Variants in MIDEAS observed in about 807,000 individuals in gnomAD.
The protein encoded by MIDEAS is mitotic deacetylase associated SANT domain protein.
MIDEAS carries 26 observed loss-of-function variants against 102.7 expected under a neutral mutation model. The observed-to-expected ratio is 0.25, with a 90% CI of 0.19 to 0.35. The LOEUF (loss-of-function observed/expected upper bound fraction) is 0.35, where lower values mean the gene tolerates loss of function less well. Ranked by LOEUF, MIDEAS falls within the 10% of genes least tolerant of loss-of-function variation. The pLI, the probability that MIDEAS is intolerant of heterozygous loss-of-function variation, is 1.00. For synonymous variants in MIDEAS, 585 were observed against 591.0 expected, an observed-to-expected ratio of 0.99 and a Z score of 0.15; for missense variants, 1,231 against 1,435.6, an observed-to-expected ratio of 0.86 and a Z score of 2.30.
Position 73,739,884 on chromosome 14 carries a change from T to C in MIDEAS, c.125A>G (p.Lys42Arg), listed in dbSNP as rs528001813. 1.3e-6 allele frequency: 2 copies of C among 1,577,094 alleles called. No homozygotes were observed. Among genetic ancestry groups the C allele is most frequent in the South Asian group, 2.3e-5 (2 of 85,764 alleles). The change falls in exon 2 of 13, where the codon AAG (lysine) becomes AGG (arginine). Residue 42 changes from lysine to arginine, a missense_variant. Physicochemically the swap from Lys to Arg is conservative, Grantham distance 26. This residue lies in a region of MIDEAS where 758 missense variants were observed against 856.0 expected (regional missense o/e 0.89). Coordinates refer to ENST00000423556, the MANE Select transcript of MIDEAS (RefSeq NM_001367710.1). The stretch of plus-strand genomic sequence containing the variant: ...CTCGTGCCCGAGGTACTGCTCCTCC[T>C]TCACTCTGATGGACTGCTGGGGGGG... ...LQPPQQSIRV[K>R]EEQYLGHEGP...
chr14:73,757,284 A>AAAAAAAAAAAAAAAAAAAAC, intron 1 of MIDEAS, among the ~76,000 whole-genome samples: 1 of 149,770 alleles, frequency 6.7e-6, no homozygotes, highest in Non-Finnish European at 1.5e-5. Context: ...ACAACCAAAA[A>AAAAAAAAAAAAAAAAAAAAC]AAAAAAAAAA....
chr14:73,723,996 C>T (rs896437661), intron 9 of MIDEAS: 2 of 152,244 alleles, frequency 1.3e-5, no homozygotes, highest in African/African-American at 4.8e-5. Flanking sequence ...CTAAGTCTTC[C>T]TCCTGACTCT....
At chr14:73,770,718 G>A (rs2053634932) in intron 1 of MIDEAS, among the ~76,000 whole-genome samples, 1 of 152,176 alleles carries the variant, frequency 6.6e-6, no homozygotes, top group African/African-American at 2.4e-5. Flanking sequence ...CTTCTGAGGT[G>A]ACACCAGGGC....
intron 1 of MIDEAS, among the ~76,000 whole-genome samples, chr14:73,753,796 A>G (rs1210260820): frequency 2.0e-5 from 3 of 152,300 alleles, no homozygotes; most frequent in Non-Finnish European, 2.9e-5. Context: ...GTCTGGCCAG[A>G]AAGTCCAGAG....
chr14:73,782,503 A>AT lies in MIDEAS; in HGVS notation c.-248+4598dup, dbSNP rs562786859. On this transcript the variant is annotated intron_variant, in intron 1 of 11. Transcript: ENST00000394071. ...CCACCGTGCCTGACTAATTTTTTGC[A>AT]TTTTTTTACAGAGAAGGGGTCTTGC... Among the ~76,000 whole-genome samples the AT allele has an allele frequency of 6.0e-3, 905 of 152,032 alleles. 5 individuals carry two copies. The highest frequency in any genetic ancestry group is 0.02 in the African/African-American group (834 of 41,456).
upstream of MIDEAS, among the ~76,000 whole-genome samples, chr14:73,762,984 C>G (rs1465970154): frequency 1.3e-5 from 2 of 152,186 alleles, no homozygotes; most frequent in African/African-American, 4.8e-5. Flanking sequence ...CTGGACTCCA[C>G]TCAGAGCGGT....
chr14:73,741,584 T>C (rs1166362818), intron 1 of MIDEAS, among the ~76,000 whole-genome samples: 1 of 152,160 alleles, frequency 6.6e-6, no homozygotes, highest in South Asian at 2.1e-4. Flanking sequence ...GGGTCCCGAC[T>C]ATACCCAGTT....
rs1368640704 is a variant in MIDEAS at position 73,739,165 on chromosome 14, A to T, written c.844T>A (p.Ser282Thr). The stretch of plus-strand genomic sequence containing the variant: ...AGGCCAAAGTCCTGGGGTTGCTGCG[A>T]GGGTTGCTGCGGCATGGAATAGAAG... ...ENFYSMPQQP[S>T]QQPQDFGLQP... is the part of the protein sequence containing the mutation. Residue 282 changes from serine (S) to threonine (T), a missense_variant, in exon 2 of 13, where the codon TCG (serine) becomes ACG (threonine). This residue lies in a region of MIDEAS where 758 missense variants were observed against 856.0 expected (regional missense o/e 0.89). Transcript: ENST00000423556. 6.2e-7 allele frequency: 1 copy of T among 1,613,784 alleles called. No individual in the cohort carries two copies. The highest frequency in any genetic ancestry group is 8.5e-7 in the Non-Finnish European group (1 of 1,179,886).
At chr14:73,765,898 A>G (rs796761751) in intron 1 of MIDEAS, among the ~76,000 whole-genome samples, 82 of 152,260 alleles carry the variant, frequency 5.4e-4, no homozygotes, top group African/African-American at 1.8e-3. Flanking sequence ...TGTCCCCCAG[A>G]TGCTCTGAGT....
At chr14:73,755,621 G>T (rs182654403) in intron 1 of MIDEAS, among the ~76,000 whole-genome samples, 2 of 152,310 alleles carry the variant, frequency 1.3e-5, no homozygotes, top group Admixed American at 6.5e-5. Context: ...AGCACAATCT[G>T]ATCTCTGGGA....
chr14:73,749,076 A>G (rs180734336), intron 1 of MIDEAS, among the ~76,000 whole-genome samples: 228 of 152,318 alleles, frequency 1.5e-3, no homozygotes, highest in African/African-American at 5.0e-3. Context: ...ACGACTAAAT[A>G]GAAGATCGAC....
rs891826086 is a variant in MIDEAS at position 73,759,863 on chromosome 14, C to G, written c.-348G>C. ...CCGGGACTCCAGCCGCCTGCACGCACTCCCGATTTTAAAAACAAACAGGCG... is the reference window on the plus strand; with the variant it reads ...CCGGGACTCCAGCCGCCTGCACGCAGTCCCGATTTTAAAAACAAACAGGCG... On this transcript the variant is annotated 5_prime_UTR_variant, in exon 1 of 13. Coordinates refer to ENST00000423556, the MANE Select transcript of MIDEAS (RefSeq NM_001367710.1). The surrounding 1 kb of genome is among the most constrained non-coding windows in gnomAD (Gnocchi z 6.7). The G allele has an allele frequency of 6.6e-6, 1 of 152,026 alleles. No homozygotes were observed. Among genetic ancestry groups the G allele is most frequent in the Non-Finnish European group, 1.5e-5 (1 of 67,940 alleles). The allele number at this position is 152,026 out of a possible 1,614,324, so 9.4% of individuals were successfully genotyped here. A position where few individuals can be genotyped will look rare whatever the true frequency, so the allele number is the denominator to read the frequency against.
chr14:73,770,339 AACG>A (rs1310521026), intron 1 of MIDEAS, among the ~76,000 whole-genome samples: 2 of 148,954 alleles, frequency 1.3e-5, no homozygotes, highest in African/African-American at 4.9e-5. Context: ...ATATAACAGT[AACG>A]ACGGTGATGA....
In MIDEAS at chr14:73,729,572, G is replaced by C. The variant is rs1196106698; in HGVS notation, c.2095+68C>G. Reference sequence around the variant, plus strand: ...AGCCCAATCCCCAGCAGCCCCACAGGCTGAGATGCCTCCCTGCCCAGTGCC... The same window carrying C: ...AGCCCAATCCCCAGCAGCCCCACAGCCTGAGATGCCTCCCTGCCCAGTGCC... On this transcript the variant is annotated intron_variant, in intron 4 of 12. Transcript: ENST00000423556. 13 of 1,317,838 alleles carry C rather than the reference G, an allele frequency of 9.9e-6. No homozygotes were observed. The Middle Eastern group carries it at 7.9e-4, about 80-fold the overall frequency. The allele number at this position is 1,317,838 out of a possible 1,614,324, so 81.6% of individuals were successfully genotyped here. A position where few individuals can be genotyped will look rare whatever the true frequency, so the allele number is the denominator to read the frequency against.
chr14:73,753,950 TAAG>T (rs1446135832), intron 1 of MIDEAS, among the ~76,000 whole-genome samples: 2 of 152,060 alleles, frequency 1.3e-5, no homozygotes, highest in Admixed American at 6.6e-5. Context: ...GGATTCACTC[TAAG>T]AAGAGCAATA....
chr14:73,743,046 G>A (rs559211571), intron 1 of MIDEAS, among the ~76,000 whole-genome samples: 1 of 152,046 alleles, frequency 6.6e-6, no homozygotes, highest in African/African-American at 2.4e-5. Flanking sequence ...GTTGCCTACG[G>A]TCACACAGTC....
At chr14:73,722,564 C>A in intron 10 of MIDEAS, 134 bp downstream of exon 10, 2 of 1,043,418 alleles carry the variant, frequency 1.9e-6, no homozygotes, top group Non-Finnish European at 2.8e-6. Flanking sequence ...GGGCTCCTTG[C>A]GGCTGTCAGG....
chr14:73,721,475 C>T lies in MIDEAS; in HGVS notation c.2759G>A (p.Arg920Lys), dbSNP rs375900466. 6.2e-6 allele frequency: 10 copies of T among 1,614,028 alleles called. No individual in the cohort carries two copies. The African/African-American group carries it at 6.7e-5, about 11-fold the overall frequency. ...CCTCTCTTCACTTGGGGACTCTCTTCTGGGAAGAGGCACCCTTGGGAACTT... is the reference window on the plus strand; with the variant it reads ...CCTCTCTTCACTTGGGGACTCTCTTTTGGGAAGAGGCACCCTTGGGAACTT... ...SQKFPRVPLP[R>K]RESPSEERLE... Residue 920 changes from arginine (R) to lysine (K), a missense_variant, in exon 11 of 13, where the codon AGA (arginine) becomes AAA (lysine). Coordinates refer to ENST00000423556, the MANE Select transcript of MIDEAS (RefSeq NM_001367710.1).
chr14:73,725,245 T>A lies in MIDEAS; in HGVS notation c.2574+27A>T. On this transcript the variant is annotated intron_variant, in intron 9 of 12. Transcript: ENST00000423556. The surrounding 1 kb of genome is among the most constrained non-coding windows in gnomAD (Gnocchi z 4.1). ...TCACACAGGCAGCTCCTGGCCCTCA[T>A]TTGCCCTGAAACAGAGCCCAGCTCA... 6.2e-7 allele frequency: 1 copy of A among 1,601,910 alleles called. No homozygotes were observed. Among genetic ancestry groups the A allele is most frequent in the Non-Finnish European group, 8.6e-7 (1 of 1,168,960 alleles).
Sources: allele counts gnomAD v4.1 joint callset (sites outside exome capture counted in the v4.1 genomes callset), GRCh38; gene constraint gnomAD v4.1.1; regional missense constraint gnomAD v4.1.1; non-coding constraint Gnocchi (gnomAD v3.1); transcripts MANE v1.5; gene names NCBI Gene and HGNC (gene_info 2026-07-23, HGNC 2026-07-21).